Variants in RCL1 observed in about 807,000 individuals in gnomAD.
RCL1 encodes the protein RNA terminal phosphate cyclase like 1.
In RCL1, 24 loss-of-function variants were observed where a neutral mutation model predicts 42.4. The observed-to-expected ratio is 0.57, with a 90% CI of 0.41 to 0.80. RCL1 has a LOEUF of 0.80. Ranked by LOEUF, RCL1 falls within the 30% of genes least tolerant of loss-of-function variation. The pLI is 0.00. For missense variants in RCL1, 578 were observed against 467.9 expected, an observed-to-expected ratio of 1.24 and a Z score of -2.17; for synonymous variants, 228 against 177.3, an observed-to-expected ratio of 1.29 and a Z score of -2.27.
rs1389529029 is a variant in RCL1, at chr9:4,844,619, G to A, written c.805G>A (p.Ala269Thr). 2 of 1,614,088 alleles carry A rather than the reference G, an allele frequency of 1.2e-6. No individual in the cohort carries two copies. The highest frequency in any genetic ancestry group is 2.2e-5 in the South Asian group (2 of 91,058). Residue 269 changes from alanine (A) to threonine (T), a missense_variant, in exon 7 of 9, where the codon GCA becomes ACA. Transcript: ENST00000381750. ...CTCCAACCCCCAGGGCCAGGGAGCA[G>A]CAGTACTTCCAGAGGACCTTGGCAG... ...LASNPQGQGAAVLPEDLGRNC... is the reference protein window; with the variant it reads ...LASNPQGQGATVLPEDLGRNC...
At chr9:4,827,263 A>G in intron 3 of RCL1, 1 of 1,434,508 alleles carries the variant, frequency 7.0e-7, no homozygotes, top group Non-Finnish European at 9.2e-7. Flanking sequence ...TTTTGTTGTT[A>G]CCTAAGAACC....
chr9:4,799,573 C>T (rs900358095), intron 1 of RCL1, among the ~76,000 whole-genome samples: 1 of 152,160 alleles, frequency 6.6e-6, no homozygotes, highest in African/African-American at 2.4e-5. Context: ...CTTCCTTAAC[C>T]CTTGTCAGTC....
At chr9:4,795,110 C>T (rs1842893198) in intron 1 of RCL1, among the ~76,000 whole-genome samples, 1 of 151,934 alleles carries the variant, frequency 6.6e-6, no homozygotes, top group Admixed American at 6.6e-5. Flanking sequence ...CAGAGTCTTA[C>T]TCTGTCTCCC....
intron 3 of RCL1, among the ~76,000 whole-genome samples, chr9:4,829,774 C>G (rs1010886347): frequency 5.3e-5 from 8 of 152,084 alleles, no homozygotes; most frequent in Non-Finnish European, 1.2e-4. Flanking sequence ...GTTTGAAACT[C>G]CAGATTTTAC....
chr9:4,820,359 C>T (rs564466201), intron 1 of RCL1, among the ~76,000 whole-genome samples: 1 of 152,168 alleles, frequency 6.6e-6, no homozygotes, highest in African/African-American at 2.4e-5. Context: ...GGAGTCATAT[C>T]TTCACTGTTG....
intron 5 of RCL1, among the ~76,000 whole-genome samples, chr9:4,834,585 C>G (rs1288019663): frequency 1.3e-5 from 2 of 151,776 alleles, no homozygotes; most frequent in Non-Finnish European, 2.9e-5. Context: ...TGCAGTTCCT[C>G]CCTCAGAAGA....
Position 4,827,024 on chromosome 9 carries a change from T to G in RCL1, c.375T>G (p.Val125=), listed in dbSNP as rs754695558. The change falls in exon 3 of 9, where the codon GTT becomes GTG. Residue 125 remains valine (V), a synonymous_variant. Transcript: ENST00000381750. ...IVLRGVTNDQ[V]DPSVDVLKAT... is the part of the protein sequence containing the mutation. Reference sequence around the variant, plus strand: ...TACGAGGAGTGACCAATGATCAGGTTGACCCTTCAGTGAGTATTGAGAACA... The same window carrying G: ...TACGAGGAGTGACCAATGATCAGGTGGACCCTTCAGTGAGTATTGAGAACA... 6.2e-7 allele frequency: 1 copy of G among 1,614,230 alleles called. No individual in the cohort carries two copies. Among genetic ancestry groups the G allele is most frequent in the Non-Finnish European group, 8.5e-7 (1 of 1,180,034 alleles).
At chr9:4,830,684 G>C (rs998295192) in intron 3 of RCL1, among the ~76,000 whole-genome samples, 8 of 152,138 alleles carry the variant, frequency 5.3e-5, no homozygotes, top group African/African-American at 1.9e-4. Flanking sequence ...CATTATTCTA[G>C]GTGTACATAT....
intron 1 of RCL1, among the ~76,000 whole-genome samples, chr9:4,800,650 G>T (rs1587691276): frequency 7.2e-6 from 1 of 139,094 alleles, no homozygotes; most frequent in Admixed American, 7.3e-5. Context: ...CAGTGTGGAT[G>T]TATTTTTTTT....
At chr9:4,827,974 C>A (rs1005909919) in intron 3 of RCL1, among the ~76,000 whole-genome samples, 10 of 151,956 alleles carry the variant, frequency 6.6e-5, no homozygotes, top group African/African-American at 2.2e-4. Context: ...ATCATGAGGT[C>A]AGGAGATCGA....
intron 1 of RCL1, 116 bp downstream of exon 1, chr9:4,793,343 G>C: frequency 8.2e-7 from 1 of 1,219,234 alleles, no homozygotes. Context: ...CGAGCGCGTC[G>C]GGGAGGGCAG....
intron 3 of RCL1, among the ~76,000 whole-genome samples, chr9:4,830,046 A>G (rs1816897798): frequency 6.6e-6 from 1 of 152,240 alleles, no homozygotes; most frequent in African/African-American, 2.4e-5. Context: ...AGCTAGAGAC[A>G]GAGTGACTGT....
At chr9:4,829,621 G>C (rs982667985) in intron 3 of RCL1, among the ~76,000 whole-genome samples, 7 of 152,182 alleles carry the variant, frequency 4.6e-5, no homozygotes, top group African/African-American at 1.7e-4. Flanking sequence ...GTATGAGATT[G>C]ATTAGGCTGA....
intron 1 of RCL1, among the ~76,000 whole-genome samples, chr9:4,821,050 A>G (rs1419140694): frequency 1.3e-5 from 2 of 152,210 alleles, no homozygotes; most frequent in African/African-American, 4.8e-5. Context: ...TGAAGGTACC[A>G]TGATTTTCTA....
At chr9:4,836,140 A>G (rs1436191589) in intron 5 of RCL1, among the ~76,000 whole-genome samples, 4 of 152,222 alleles carry the variant, frequency 2.6e-5, no homozygotes, top group Non-Finnish European at 5.9e-5. Flanking sequence ...TTCCAGCAGT[A>G]AGGTCCTTGC....
intron 5 of RCL1, among the ~76,000 whole-genome samples, chr9:4,840,025 G>A (rs1398787174): frequency 6.6e-6 from 1 of 152,004 alleles, no homozygotes; most frequent in Non-Finnish European, 1.5e-5. Flanking sequence ...GGACACAACT[G>A]AGCAGGCTGG....
chr9:4,851,098 A>G (rs531761936), intron 8 of RCL1, among the ~76,000 whole-genome samples: 7 of 152,192 alleles, frequency 4.6e-5, no homozygotes, highest in African/African-American at 1.7e-4. Flanking sequence ...AGCTTTGCAG[A>G]GATGCTCAAG....
At chr9:4,833,993 G>T (rs1817036472) in intron 4 of RCL1, 148 bp from the exon 5 acceptor site, 1 of 822,330 alleles carries the variant, frequency 1.2e-6, no homozygotes, top group Non-Finnish European at 1.8e-6. Context: ...ATAAGGTGCT[G>T]TTGGTCTTGA....
intron 3 of RCL1, among the ~76,000 whole-genome samples, chr9:4,828,134 C>T (rs910151318): frequency 8.7e-5 from 12 of 138,472 alleles, no homozygotes; most frequent in Non-Finnish European, 1.2e-4. Context: ...TGCAGTGAGC[C>T]GAGATCGGGC....
Sources: allele counts gnomAD v4.1 joint callset (sites outside exome capture counted in the v4.1 genomes callset), GRCh38; gene constraint gnomAD v4.1.1; transcripts MANE v1.5; gene names NCBI Gene and HGNC (gene_info 2026-07-23, HGNC 2026-07-21).